DNAH8: variants seen among roughly 807,000 people sequenced by gnomAD.
DNAH8 encodes dynein axonemal heavy chain 8.
A neutral mutation model predicts 562.1 loss-of-function variants in DNAH8; 382 were observed. The observed-to-expected ratio is 0.68, with a 90% CI of 0.63 to 0.74. The LOEUF (loss-of-function observed/expected upper bound fraction) is 0.74, where lower values mean the gene tolerates loss of function less well. Among genes scored for constraint, DNAH8 ranks in the 30% least tolerant of loss-of-function variants. The pLI is 0.00. For missense variants in DNAH8, 5,203 were observed against 5,620.4 expected, an observed-to-expected ratio of 0.93 and a Z score of 2.37; for synonymous variants, 1,881 against 1,919.4, an observed-to-expected ratio of 0.98 and a Z score of 0.52.
intron 38 of DNAH8, among the ~76,000 whole-genome samples, chr6:38,850,657 A>G (rs1168014555): frequency 6.6e-6 from 1 of 152,214 alleles, no homozygotes; most frequent in Admixed American, 6.5e-5. Context: ...GGCTTAAAGC[A>G]ACAGAAATTC....
Position 38,973,743 on chromosome 6 carries a change from C to G in DNAH8, c.12608C>G (p.Ala4203Gly). 4 of 1,608,336 alleles carry G rather than the reference C, an allele frequency of 2.5e-6. No individual in the cohort carries two copies. Among genetic ancestry groups the G allele is most frequent in the Non-Finnish European group, 3.4e-6 (4 of 1,176,522 alleles). The change falls in exon 84 of 93, where the codon GCC becomes GGC. Residue 4203 changes from alanine (A) to glycine (G), a missense_variant. This residue lies in a region of DNAH8 where 1,399 missense variants were observed against 1,518.4 expected (regional missense o/e 0.92). Transcript: ENST00000327475. ...CTAGAGACGCTAATTACCACTGAAGCCAGTGATGATTCTTTCCGAGTATGG... is the reference window on the plus strand; with the variant it reads ...CTAGAGACGCTAATTACCACTGAAGGCAGTGATGATTCTTTCCGAGTATGG... ...ELLETLITTEASDDSFRVWIT... is the reference protein window; with the variant it reads ...ELLETLITTEGSDDSFRVWIT...
Position 38,873,036 on chromosome 6 carries a change from T to C in DNAH8, c.7368T>C (p.Cys2456=). ...ATCGCATTCCCATGGCCCCTAGTTG[T>C]AAGCTTCTGTTTGAAGTCCACAATA... is the stretch of plus-strand genomic sequence containing the variant. ...NGDRIPMAPS[C]KLLFEVHNIE... Residue 2456 remains cysteine, a synonymous_variant, in exon 51 of 93, where the codon TGT becomes TGC. Transcript: ENST00000327475. 1 of 1,614,162 alleles carries C rather than the reference T, an allele frequency of 6.2e-7. No individual in the cohort carries two copies. The highest frequency in any genetic ancestry group is 1.3e-5 in the African/African-American group (1 of 75,054).
intron 91 of DNAH8, among the ~76,000 whole-genome samples, chr6:39,014,513 T>A (rs960864184): frequency 1.4e-4 from 22 of 152,206 alleles, no homozygotes; most frequent in African/African-American, 5.1e-4. Flanking sequence ...TAAAGGAGCC[T>A]ATAATCTGGT....
rs148522520 is a variant in DNAH8 at position 38,732,398 on chromosome 6, G to T, written c.611-2076G>T. 3.1e-3 allele frequency among the ~76,000 whole-genome samples: 472 copies of T among 152,204 alleles called. 5 individuals are homozygous for T. The highest frequency in any genetic ancestry group is 0.011 in the African/African-American group (450 of 41,530). ...AATGGGACAAAGTCAGGTTTTCTTA[G>T]CAAAGAAAAAGGGGAGGGTAGTAAA... On this transcript the variant is annotated intron_variant, in intron 4 of 92. Transcript: ENST00000327475.
intron 73 of DNAH8, among the ~76,000 whole-genome samples, chr6:38,924,587 T>A (rs1020744279): frequency 3.9e-5 from 6 of 152,232 alleles, no homozygotes; most frequent in African/African-American, 1.2e-4. Context: ...AGAGTTTTTT[T>A]AAAAATAATT....
At position 38,842,127 on chromosome 6, in the gene DNAH8, AT is replaced by A. The variant is rs370496729; in HGVS notation, c.4467-238del. Reference sequence around the variant, plus strand: ...ATTTTTTTTCTTTACAGAATAAACCATTTGCTAATGTCAAGTTATAGTCTGA... The same window carrying A: ...ATTTTTTTTCTTTACAGAATAAACCATTGCTAATGTCAAGTTATAGTCTGA... On this transcript the variant is annotated intron_variant, in intron 33 of 92. Coordinates refer to ENST00000327475, the MANE Select transcript of DNAH8 (RefSeq NM_001206927.2). 2.8e-3 allele frequency among the ~76,000 whole-genome samples: 423 copies of A among 152,284 alleles called. 2 individuals carry two copies. Among genetic ancestry groups the A allele is most frequent in the African/African-American group, 9.9e-3 (410 of 41,564 alleles).
rs765783908 is a variant in DNAH8 at position 38,845,782 on chromosome 6, A to T, written c.5045+9A>T. 1.3e-6 allele frequency: 2 copies of T among 1,599,548 alleles called. No individual in the cohort carries two copies. On this transcript the variant is annotated intron_variant, in intron 36 of 92. Coordinates refer to ENST00000327475, the MANE Select transcript of DNAH8 (RefSeq NM_001206927.2). ...TCTTTACTCAGCAACAGGTAATTTTATAATTTGAGAGAGAGATTTAAATGG... is the reference window on the plus strand; with the variant it reads ...TCTTTACTCAGCAACAGGTAATTTTTTAATTTGAGAGAGAGATTTAAATGG...
chr6:38,974,916 C>T (rs1294426679), intron 85 of DNAH8, among the ~76,000 whole-genome samples: 2 of 152,142 alleles, frequency 1.3e-5, no homozygotes, highest in Admixed American at 1.3e-4. Flanking sequence ...TTTATGTGCA[C>T]CATCTCCTGT....
chr6:38,980,304 A>C (rs1436581422), intron 85 of DNAH8, among the ~76,000 whole-genome samples: 1 of 152,210 alleles, frequency 6.6e-6, no homozygotes, highest in African/African-American at 2.4e-5. Context: ...TATCAATATG[A>C]AACATCTTAA....
At chr6:39,005,906 T>A (rs1765771490) in intron 88 of DNAH8, among the ~76,000 whole-genome samples, 1 of 152,266 alleles carries the variant, frequency 6.6e-6, no homozygotes, top group African/African-American at 2.4e-5. Context: ...CTGTGATGTA[T>A]CTACATGTAG....
At chr6:38,900,943 A>G (rs984222556) in intron 62 of DNAH8, among the ~76,000 whole-genome samples, 3 of 152,152 alleles carry the variant, frequency 2.0e-5, no homozygotes, top group Non-Finnish European at 4.4e-5. Context: ...GTGGTAGCTC[A>G]CTGTGTTTCA....
chr6:38,753,750 T>C (rs1222414608), intron 9 of DNAH8, among the ~76,000 whole-genome samples: 1 of 152,186 alleles, frequency 6.6e-6, no homozygotes, highest in Non-Finnish European at 1.5e-5. Flanking sequence ...GTTTTTTTCA[T>C]CCTAGTAATT....
At chr6:38,746,513 T>C (rs922376689) in intron 8 of DNAH8, among the ~76,000 whole-genome samples, 1 of 152,130 alleles carries the variant, frequency 6.6e-6, no homozygotes, top group African/African-American at 2.4e-5. Flanking sequence ...TTGTTGCTTG[T>C]ATTTTAATTT....
At chr6:38,941,106 G>C (rs1783420861) in intron 79 of DNAH8, among the ~76,000 whole-genome samples, 2 of 151,498 alleles carry the variant, frequency 1.3e-5, no homozygotes, top group Admixed American at 6.6e-5. Flanking sequence ...GTGACAGAGT[G>C]AGACTCTGTC....
In DNAH8 at chr6:38,863,873, G is replaced by A. The variant is rs1401188844; in HGVS notation, c.6311G>A (p.Gly2104Asp). Reference protein sequence around the residue: ...DFRGLGRIFKGLAQSGSWGCF... With the variant: ...DFRGLGRIFKDLAQSGSWGCF... ...ACAAATTAACTGTTTTTCATGCCAG[G>A]TCTTGCACAGTCGGGTTCCTGGGGC... Residue 2104 changes from glycine (G) to aspartate (D), a missense_variant and splice_region_variant, in exon 45 of 93, where the codon GGT becomes GAT. Around this residue, in one of 6 missense-constraint regions of DNAH8, gnomAD observed 2,176 missense variants for 2,365.1 expected, o/e 0.92. Coordinates refer to ENST00000327475, the MANE Select transcript of DNAH8 (RefSeq NM_001206927.2). 5.0e-6 allele frequency: 8 copies of A among 1,586,160 alleles called. No individual in the cohort carries two copies. Among genetic ancestry groups the A allele is most frequent in the South Asian group, 1.2e-5 (1 of 85,160 alleles).
Position 39,018,338 on chromosome 6 carries a change from C to T in DNAH8, c.13714+5701C>T, listed in dbSNP as rs139455734. Among the ~76,000 whole-genome samples, 26 of 152,302 alleles carry T rather than the reference C, an allele frequency of 1.7e-4. No homozygotes were observed. In the East Asian group the frequency reaches 5.0e-3, roughly 29 times the overall value. On this transcript the variant is annotated intron_variant, in intron 91 of 92. Coordinates refer to ENST00000327475, the MANE Select transcript of DNAH8 (RefSeq NM_001206927.2). ...CTCTCTCCACGGCCCTCATATCTAACGACCTCCCTGATGACATCATTGCCC... is the reference window on the plus strand; with the variant it reads ...CTCTCTCCACGGCCCTCATATCTAATGACCTCCCTGATGACATCATTGCCC...
chr6:39,028,975 A>C lies in DNAH8; in HGVS notation c.13837-1130A>C, dbSNP rs555950728. On this transcript the variant is annotated intron_variant, in intron 92 of 92. Coordinates refer to ENST00000327475, the MANE Select transcript of DNAH8 (RefSeq NM_001206927.2). ...GTTCTAATCAGCATTTACTTCCCTGATCCGATCCTCACTGGAGATGGAAAA... is the reference window on the plus strand; with the variant it reads ...GTTCTAATCAGCATTTACTTCCCTGCTCCGATCCTCACTGGAGATGGAAAA... Among the ~76,000 whole-genome samples the C allele has an allele frequency of 2.2e-3, 337 of 152,248 alleles. 6 individuals carry two copies. The highest frequency in any genetic ancestry group is 1.2e-3 in the Non-Finnish European group (79 of 68,014).
At chr6:38,916,980 T>C (rs1381411239) in intron 68 of DNAH8, among the ~76,000 whole-genome samples, 1 of 152,184 alleles carries the variant, frequency 6.6e-6, no homozygotes, top group Non-Finnish European at 1.5e-5. Flanking sequence ...GTGGGACTTA[T>C]TAACAGAGGT....
At chr6:38,848,413 T>G (rs1775466365) in intron 36 of DNAH8, among the ~76,000 whole-genome samples, 1 of 152,122 alleles carries the variant, frequency 6.6e-6, no homozygotes, top group Non-Finnish European at 1.5e-5. Flanking sequence ...CTAGGCCCAT[T>G]CTCCTATTCT....
Sources: allele counts gnomAD v4.1 joint callset (sites outside exome capture counted in the v4.1 genomes callset), GRCh38; gene constraint gnomAD v4.1.1; regional missense constraint gnomAD v4.1.1; transcripts MANE v1.5; gene names NCBI Gene and HGNC (gene_info 2026-07-23, HGNC 2026-07-21).